Variants in PARP14 observed in about 807,000 individuals in gnomAD.
PARP14 encodes the protein protein mono-ADP-ribosyltransferase PARP14.
PARP14 carries 59 observed loss-of-function variants against 154.2 expected under a neutral mutation model. The observed-to-expected ratio is 0.38, with a 90% CI of 0.31 to 0.48. The LOEUF (loss-of-function observed/expected upper bound fraction) is 0.48, where lower values mean the gene tolerates loss of function less well. Ranked by LOEUF, PARP14 falls within the 20% of genes least tolerant of loss-of-function variation. The probability of loss-of-function intolerance (pLI) is 0.98; values close to 1 mark genes in which losing one functional copy is unlikely to be tolerated. For missense variants in PARP14, 1,734 were observed against 2,131.6 expected (o/e 0.81, Z 3.67); for synonymous variants, 720 against 780.5 (o/e 0.92, Z 1.29).
Position 122,700,293 on chromosome 3 carries a change from G to A in PARP14, c.1739G>A (p.Cys580Tyr). ...LEGTTVLLTS[C>Y]SSEALLEAEK... ...GGTACAACTGTTCTCTTAACCAGCT[G>A]TTCTTCTGAAGCCCTGTTAGAAGCA... Residue 580 changes from cysteine to tyrosine, a missense_variant, in exon 6 of 17, where the codon TGT (cysteine) becomes TAT (tyrosine). Around this residue, in one of 2 missense-constraint regions of PARP14, gnomAD observed 1,646 missense variants for 1,976.0 expected, o/e 0.83. Transcript: ENST00000474629. 2 of 1,613,444 alleles carry A rather than the reference G, an allele frequency of 1.2e-6. No individual in the cohort carries two copies. The highest frequency in any genetic ancestry group is 1.7e-6 in the Non-Finnish European group (2 of 1,179,622).
chr3:122,684,369 C>G (rs1021753982), intron 1 of PARP14, among the ~76,000 whole-genome samples: 1 of 152,214 alleles, frequency 6.6e-6, no homozygotes, highest in Non-Finnish European at 1.5e-5. Context: ...TTCTTCATAT[C>G]TCTCTGGCTG....
At chr3:122,720,924 T>C in intron 15 of PARP14, 1 of 439,548 alleles carries the variant, frequency 2.3e-6, no homozygotes, top group South Asian at 1.6e-5. Context: ...CTGGGTAACA[T>C]AGTGAGATCC....
rs1163994451 is a variant in PARP14, at chr3:122,714,249, CTG to C, written c.3833-9_3833-8del. Reference sequence around the variant, plus strand: ...TTCTACTAATTTTGCATCTTTTTGTCTGTGTTTCCCAGCTCAGCAGCGCAAAA... The same window carrying C: ...TTCTACTAATTTTGCATCTTTTTGTCTGTTTCCCAGCTCAGCAGCGCAAAA... On this transcript the variant is annotated splice_polypyrimidine_tract_variant and intron_variant, in intron 11 of 16. Transcript: ENST00000474629. The C allele has an allele frequency of 1.0e-5, 16 of 1,574,096 alleles. No individual in the cohort carries two copies. Among genetic ancestry groups the C allele is most frequent in the Non-Finnish European group, 1.4e-5 (16 of 1,167,156 alleles).
In PARP14 at chr3:122,720,378, G is replaced by T. The variant is rs369756087; in HGVS notation, c.4931G>T (p.Arg1644Ile). ...TTTAATCAGACCTGCTCACACTTCAGAATAGAGAAGGTAAGCCTTCTGCTA... is the reference window on the plus strand; with the variant it reads ...TTTAATCAGACCTGCTCACACTTCATAATAGAGAAGGTAAGCCTTCTGCTA... The part of the protein sequence containing the change: ...SKFNQTCSHF[R>I]IEKIERIQNP... The change falls in exon 15 of 17, where the codon AGA becomes ATA. Residue 1644 changes from arginine (R) to isoleucine (I), a missense_variant. This residue lies in a region of PARP14 where 1,646 missense variants were observed against 1,976.0 expected (regional missense o/e 0.83). Coordinates refer to ENST00000474629, the MANE Select transcript of PARP14 (RefSeq NM_017554.3). 6.9e-5 allele frequency: 112 copies of T among 1,613,010 alleles called. 1 individual carries two copies. The African/African-American group carries it at 1.3e-3, about 19-fold the overall frequency.
intron 15 of PARP14, among the ~76,000 whole-genome samples, chr3:122,726,932 T>C (rs926162877): frequency 8.1e-6 from 1 of 123,782 alleles, no homozygotes; most frequent in African/African-American, 3.2e-5. Context: ...AAATATATGT[T>C]AATGCCGAGA....
At position 122,704,587 on chromosome 3, in the gene PARP14, A is replaced by G; in HGVS notation, c.3379A>G (p.Ile1127Val). ...EITESLSLKS[I>V]AFPAIGTGNL... is the part of the protein sequence containing the mutation. ...CACTGAGAGCTTGTCCTTAAAATCA[A>G]TTGCATTTCCAGCAATAGGAACAGG... Residue 1127 changes from isoleucine to valine, a missense_variant, in exon 8 of 17, where the codon ATT becomes GTT. This residue lies in a region of PARP14 where 1,646 missense variants were observed against 1,976.0 expected (regional missense o/e 0.83). Coordinates refer to ENST00000474629, the MANE Select transcript of PARP14 (RefSeq NM_017554.3). 1.2e-6 allele frequency: 2 copies of G among 1,609,350 alleles called. No homozygotes were observed. The highest frequency in any genetic ancestry group is 1.7e-6 in the Non-Finnish European group (2 of 1,177,638).
At chr3:122,719,017 T>C in intron 14 of PARP14, 59 bp downstream of exon 14, 3 of 1,419,506 alleles carry the variant, frequency 2.1e-6, no homozygotes, top group Non-Finnish European at 2.8e-6. Flanking sequence ...GGCATAACAC[T>C]ATTTGGTACG....
chr3:122,708,113 A>T, intron 8 of PARP14, 77 bp from the exon 9 acceptor site: 1 of 726,322 alleles, frequency 1.4e-6, no homozygotes, highest in Non-Finnish European at 2.4e-6. Flanking sequence ...GTGTGCATGC[A>T]GGACAAAACA....
Position 122,703,727 on chromosome 3 carries a change from G to T in PARP14, c.3082-15G>T. On this transcript the variant is annotated splice_polypyrimidine_tract_variant and intron_variant, in intron 6 of 16. Transcript: ENST00000474629. ...TTGTTAAAATTTGAAACAAATTTTT[G>T]GTTTTGTCTTTAAGACCGATGTTGT... The T allele has an allele frequency of 6.7e-7, 1 of 1,498,778 alleles. No homozygotes were observed. Among genetic ancestry groups the T allele is most frequent in the Non-Finnish European group, 9.1e-7 (1 of 1,101,976 alleles). 92.8% of individuals were successfully genotyped at this position (1,498,778 alleles called of 1,614,324 possible). A position where few individuals can be genotyped will look rare whatever the true frequency, so the allele number is the denominator to read the frequency against.
chr3:122,722,934 TA>T (rs1933194929), intron 15 of PARP14, among the ~76,000 whole-genome samples: 1 of 138,664 alleles, frequency 7.2e-6, no homozygotes, highest in African/African-American at 2.9e-5. Flanking sequence ...ATGCATTTCA[TA>T]TTTTTTTTTT....
intron 15 of PARP14, among the ~76,000 whole-genome samples, chr3:122,725,430 C>A (rs879359699): frequency 1.3e-5 from 2 of 152,026 alleles, no homozygotes; most frequent in African/African-American, 4.8e-5. Flanking sequence ...CGGGCAGAGG[C>A]GAATTTTTTC....
At position 122,699,712 on chromosome 3, in the gene PARP14, T is replaced by TA; in HGVS notation, c.1159dup (p.Thr387AsnfsTer7). 1 of 1,614,018 alleles carries TA rather than the reference T, an allele frequency of 6.2e-7. No homozygotes were observed. Among genetic ancestry groups the TA allele is most frequent in the Non-Finnish European group, 8.5e-7 (1 of 1,179,870 alleles). On this transcript the variant is annotated frameshift_variant, in exon 6 of 17. Coordinates refer to ENST00000474629, the MANE Select transcript of PARP14 (RefSeq NM_017554.3). LOFTEE classifies it high-confidence loss of function. ...CGAGAATCAAGACCTGGCAGGCAGA[T>TA]ACTTCCACAACACTCTCTAGCATCA...
chr3:122,701,182 C>A lies in PARP14; in HGVS notation c.2628C>A (p.His876Gln). The stretch of plus-strand genomic sequence containing the variant: ...AGGCAGGAAAGCTGCCCTACCACCA[C>A]GTGATCCATGCAGTGGGGCCCCGCT... ...ISKAGKLPYH[H>Q]VIHAVGPRWS... The change falls in exon 6 of 17, where the codon CAC (histidine) becomes CAA (glutamine). Residue 876 changes from histidine to glutamine, a missense_variant. Physicochemically the swap from His to Gln is conservative, Grantham distance 24. This residue lies in a region of PARP14 where 1,646 missense variants were observed against 1,976.0 expected (regional missense o/e 0.83). Transcript: ENST00000474629. This position sits in a 1 kb window ranked among gnomAD's most constrained non-coding sequence, Gnocchi z 4.0. 8.1e-6 allele frequency: 13 copies of A among 1,613,646 alleles called. No homozygotes were observed. Among genetic ancestry groups the A allele is most frequent in the Non-Finnish European group, 1.1e-5 (13 of 1,179,728 alleles).
At chr3:122,704,999 C>A (rs1453835564) in intron 8 of PARP14, among the ~76,000 whole-genome samples, 1 of 152,156 alleles carries the variant, frequency 6.6e-6, no homozygotes, top group East Asian at 1.9e-4. Flanking sequence ...ATAATGCAGT[C>A]CCTTGTACCT....
At chr3:122,692,648 G>A (rs1938578642) in intron 4 of PARP14, 105 bp downstream of exon 4, 1 of 905,380 alleles carries the variant, frequency 1.1e-6, no homozygotes, top group Admixed American at 3.0e-5. Flanking sequence ...CTTTCTAGTA[G>A]CTACTAAGAG....
At chr3:122,683,914 CTGCAG>C (rs1358910622) in intron 1 of PARP14, among the ~76,000 whole-genome samples, 1 of 152,202 alleles carries the variant, frequency 6.6e-6, no homozygotes, top group East Asian at 1.9e-4. Flanking sequence ...TGTTGTCAGG[CTGCAG>C]GGGTCCTATC....
intron 11 of PARP14, 122 bp downstream of exon 11, chr3:122,714,056 A>G (rs780529012): frequency 2.4e-6 from 2 of 833,194 alleles, no homozygotes; most frequent in East Asian, 5.0e-5. Context: ...ATTTTACTAA[A>G]GAATTCCAAT....
In PARP14 at chr3:122,701,294, C is replaced by T. The variant is rs750283546; in HGVS notation, c.2740C>T (p.Arg914Ter). Residue 914 changes from arginine (R) to a stop codon, truncating the protein, a stop_gained, in exon 6 of 17, where the codon CGA (arginine) becomes TGA (stop). Transcript: ENST00000474629. LOFTEE classifies it high-confidence loss of function. The surrounding 1 kb of genome is among the most constrained non-coding windows in gnomAD (Gnocchi z 4.0). Reference protein sequence around the residue: ...SLCLAEKYKYRSIAIPAISSG... With the variant: ...SLCLAEKYKY The stretch of plus-strand genomic sequence containing the variant: ...CTGTCTAGCCGAAAAATACAAGTAC[C>T]GATCCATAGCCATCCCAGCTATTAG... The T allele has an allele frequency of 1.5e-5, 25 of 1,613,814 alleles. No individual in the cohort carries two copies. Among genetic ancestry groups the T allele is most frequent in the Non-Finnish European group, 1.8e-5 (21 of 1,179,826 alleles).
Position 122,692,365 on chromosome 3 carries a change from C to G in PARP14, c.420C>G (p.Ile140Met). ...LDGGLDKMED[I>M]PEECENISSL... ...GTGGATTAGACAAAATGGAAGATATCCCAGAGGAATGTGAAAATATTTCCT... is the reference window on the plus strand; with the variant it reads ...GTGGATTAGACAAAATGGAAGATATGCCAGAGGAATGTGAAAATATTTCCT... Residue 140 changes from isoleucine (I) to methionine (M), a missense_variant, in exon 4 of 17, where the codon ATC becomes ATG. Around this residue, in one of 2 missense-constraint regions of PARP14, gnomAD observed 1,646 missense variants for 1,976.0 expected, o/e 0.83. Transcript: ENST00000474629. The G allele has an allele frequency of 6.2e-7, 1 of 1,613,036 alleles. No individual in the cohort carries two copies. Among genetic ancestry groups the G allele is most frequent in the Non-Finnish European group, 8.5e-7 (1 of 1,179,098 alleles).
Sources: gnomAD v4.1 joint callset for allele counts (sites outside exome capture counted in the v4.1 genomes callset) on GRCh38, gnomAD v4.1.1 for gene constraint, gnomAD v4.1.1 regional missense constraint, Gnocchi (gnomAD v3.1) non-coding constraint, MANE v1.5 for transcripts, NCBI Gene and HGNC (gene_info 2026-07-23, HGNC 2026-07-21) for gene names.